Variants in CAPZA1 observed in about 807,000 individuals in gnomAD.
The protein encoded by CAPZA1 is F-actin-capping protein subunit alpha-1.
Under a neutral mutation model 40.8 loss-of-function variants are expected in CAPZA1, and 10 were observed. The observed-to-expected ratio is 0.25, with a 90% CI of 0.15 to 0.42. The LOEUF (loss-of-function observed/expected upper bound fraction) is 0.42, where lower values mean the gene tolerates loss of function less well. CAPZA1 is among the 10% of genes least tolerant of loss of function. The pLI is 1.00. For missense variants in CAPZA1, 277 were observed against 353.8 expected, an observed-to-expected ratio of 0.78 and a Z score of 1.74; for synonymous variants, 98 against 115.0, an observed-to-expected ratio of 0.85 and a Z score of 0.95.
chr1:112,652,794 T>C (rs1671420229), intron 3 of CAPZA1, among the ~76,000 whole-genome samples: 2 of 152,188 alleles, frequency 1.3e-5, no homozygotes, highest in African/African-American at 4.8e-5. Context: ...TATTTCCATC[T>C]TTCTTTTATC....
At chr1:112,653,399 C>T (rs963065653) in intron 3 of CAPZA1, among the ~76,000 whole-genome samples, 199 bp from the exon 4 acceptor site, 1 of 152,048 alleles carries the variant, frequency 6.6e-6, no homozygotes, top group Non-Finnish European at 1.5e-5. Flanking sequence ...CCAAGATCTC[C>T]GTAGAGAGGA....
chr1:112,658,137 A>G (rs532759215), intron 5 of CAPZA1, among the ~76,000 whole-genome samples: 5 of 152,254 alleles, frequency 3.3e-5, no homozygotes, highest in Non-Finnish European at 5.9e-5. Context: ...GAGGAAAAAG[A>G]AAATACATGT....
At chr1:112,659,858 A>G in intron 7 of CAPZA1, 79 bp downstream of exon 7, 2 of 1,046,234 alleles carry the variant, frequency 1.9e-6, no homozygotes. Flanking sequence ...TTAAATAAGG[A>G]CCAAGTATGT....
At chr1:112,646,368 C>G (rs1397051322) in intron 1 of CAPZA1, among the ~76,000 whole-genome samples, 1 of 152,090 alleles carries the variant, frequency 6.6e-6, no homozygotes, top group African/African-American at 2.4e-5. Flanking sequence ...TCACCTGAAC[C>G]TAGGAGTTTG....
chr1:112,628,479 G>T (rs1010020176), intron 1 of CAPZA1, among the ~76,000 whole-genome samples: 11 of 152,006 alleles, frequency 7.2e-5, no homozygotes, highest in Admixed American at 2.0e-4. Flanking sequence ...TTTCAGATAG[G>T]TCAGGAACAT....
rs181516173 is a variant in CAPZA1, at chr1:112,633,443, G to C, written c.39+13560G>C. 1.9e-3 allele frequency among the ~76,000 whole-genome samples: 286 copies of C among 151,782 alleles called. 3 individuals carry two copies. Among genetic ancestry groups the C allele is most frequent in the Admixed American group, 0.013 (198 of 15,306 alleles). On this transcript the variant is annotated intron_variant, in intron 1 of 9. Transcript: ENST00000263168. ...TTTCCTTCTTTTTAAAAGCTGTATA[G>C]TATTCCATTGTGTGTATATAACACA...
chr1:112,671,118 G>T lies in CAPZA1; in HGVS notation c.*986G>T, dbSNP rs1053301009. ...TTTCTATTGTAACCTGTTATTTAAG[G>T]AAATACTAGTGATTTCTTCTAAATA... On this transcript the variant is annotated 3_prime_UTR_variant, in exon 10 of 10. Transcript: ENST00000263168. 1 of 152,552 alleles carries T rather than the reference G, an allele frequency of 6.6e-6. No homozygotes were observed. Among genetic ancestry groups the T allele is most frequent in the Non-Finnish European group, 1.5e-5 (1 of 68,020 alleles). The allele number at this position is 152,552 out of a possible 1,614,324, so 9.4% of individuals were successfully genotyped here.
intron 1 of CAPZA1, among the ~76,000 whole-genome samples, chr1:112,626,844 G>A (rs1670817691): frequency 6.6e-6 from 1 of 152,164 alleles, no homozygotes; most frequent in African/African-American, 2.4e-5. Context: ...TCAGTGAAAT[G>A]GAACATTGAT....
At chr1:112,641,571 T>A (rs1271403225) in intron 1 of CAPZA1, among the ~76,000 whole-genome samples, 2 of 152,240 alleles carry the variant, frequency 1.3e-5, no homozygotes, top group East Asian at 3.9e-4. Flanking sequence ...TTTTTTTTTA[T>A]GTGGCTTATA....
chr1:112,656,466 T>TTTTC (rs1553180448), intron 5 of CAPZA1, among the ~76,000 whole-genome samples: 3,091 of 94,336 alleles, frequency 0.033, 669 homozygotes, highest in African/African-American at 0.12. Context: ...TTTTTTTTTT[T>TTTTC]AATGAGAATA....
At chr1:112,654,822 G>A in intron 5 of CAPZA1, 151 bp downstream of exon 5, 2 of 496,350 alleles carry the variant, frequency 4.0e-6, no homozygotes, top group South Asian at 6.2e-5. Flanking sequence ...TTGGAAAGGG[G>A]TATAAATGAA....
At chr1:112,649,578 C>A in intron 3 of CAPZA1, 109 bp downstream of exon 3, 1 of 912,132 alleles carries the variant, frequency 1.1e-6, no homozygotes, top group Non-Finnish European at 1.7e-6. Context: ...CAAAGTAAAG[C>A]AGTTGGTTTT....
intron 1 of CAPZA1, among the ~76,000 whole-genome samples, chr1:112,642,122 C>T (rs1671180080): frequency 6.6e-6 from 1 of 150,614 alleles, no homozygotes; most frequent in South Asian, 2.1e-4. Context: ...GTTTCCTGTA[C>T]TCGGAATGCC....
At chr1:112,639,507 A>G (rs1462265359) in intron 1 of CAPZA1, among the ~76,000 whole-genome samples, 6 of 152,070 alleles carry the variant, frequency 3.9e-5, no homozygotes, top group African/African-American at 1.2e-4. Flanking sequence ...CAATTCATCA[A>G]TTTTTTAAGC....
chr1:112,635,497 G>T (rs1385682305), intron 1 of CAPZA1, among the ~76,000 whole-genome samples: 2 of 151,734 alleles, frequency 1.3e-5, no homozygotes, highest in Non-Finnish European at 2.9e-5. Flanking sequence ...TGCCCACAAA[G>T]AGTTGCAGTT....
chr1:112,629,259 C>T (rs1297422134), intron 1 of CAPZA1, among the ~76,000 whole-genome samples: 2 of 152,216 alleles, frequency 1.3e-5, no homozygotes, highest in Non-Finnish European at 2.9e-5. Flanking sequence ...TCTTTTCCTT[C>T]TGTATCCCTC....
chr1:112,656,548 G>C (rs12058986), intron 5 of CAPZA1, among the ~76,000 whole-genome samples: 5 of 140,362 alleles, frequency 3.6e-5, no homozygotes, highest in Admixed American at 7.7e-5. Context: ...AGACATGATA[G>C]ACTCCCATTT....
intron 1 of CAPZA1, among the ~76,000 whole-genome samples, chr1:112,646,046 A>C (rs1671275538): frequency 6.6e-6 from 1 of 152,232 alleles, no homozygotes; most frequent in South Asian, 2.1e-4. Context: ...TCCCCAGACA[A>C]ATCATAAAAT....
intron 7 of CAPZA1, among the ~76,000 whole-genome samples, chr1:112,664,412 T>A (rs1034806023): frequency 3.3e-5 from 5 of 152,072 alleles, no homozygotes; most frequent in African/African-American, 1.2e-4. Flanking sequence ...ACACTATTTC[T>A]CCCCAGATCA....
Sources: gnomAD v4.1 joint callset for allele counts (sites outside exome capture counted in the v4.1 genomes callset) on GRCh38, gnomAD v4.1.1 for gene constraint, MANE v1.5 for transcripts, NCBI Gene and HGNC (gene_info 2026-07-23, HGNC 2026-07-21) for gene names.